Variants in NDST3 observed in about 807,000 individuals in gnomAD.
NDST3 encodes the protein bifunctional heparan sulfate N-deacetylase/N-sulfotransferase 3.
A neutral mutation model predicts 96.1 loss-of-function variants in NDST3; 58 were observed. That is an observed-to-expected ratio of 0.60 (90% CI 0.49 to 0.75). NDST3 has a LOEUF of 0.75. NDST3 is among the 30% of genes least tolerant of loss of function. NDST3 has a pLI of 0.00. For synonymous variants in NDST3, 333 were observed against 359.7 expected, an observed-to-expected ratio of 0.93 and a Z score of 0.84; for missense variants, 788 against 1,034.2, an observed-to-expected ratio of 0.76 and a Z score of 3.27.
At chr4:118,238,367 A>C (rs1377170135) in intron 10 of NDST3, among the ~76,000 whole-genome samples, 1 of 152,190 alleles carries the variant, frequency 6.6e-6, no homozygotes, top group African/African-American at 2.4e-5. Context: ...ATAATTTAAC[A>C]AACTCTAGTA....
rs928303281 is a variant in NDST3, at chr4:118,155,294, G to A, written c.1539+11610G>A. ...AAGGAAAACATCAGTTCCCATCCAG[G>A]GCCAATCTGTGTGTAGTTTGCACAT... On this transcript the variant is annotated intron_variant, in intron 6 of 13. Transcript: ENST00000296499. Among the ~76,000 whole-genome samples, 26 of 152,084 alleles carry A rather than the reference G, an allele frequency of 1.7e-4. No homozygotes were observed. In the East Asian group the frequency reaches 4.8e-3, roughly 28 times the overall value.
intron 2 of NDST3, among the ~76,000 whole-genome samples, chr4:118,084,389 C>T (rs760953639): frequency 6.6e-6 from 1 of 152,132 alleles, no homozygotes; most frequent in Non-Finnish European, 1.5e-5. Flanking sequence ...ATGTGTTAGG[C>T]CCAAGCAACT....
At chr4:118,106,372 A>C (rs1332853609) in intron 3 of NDST3, among the ~76,000 whole-genome samples, 4 of 151,908 alleles carry the variant, frequency 2.6e-5, no homozygotes. Context: ...TTGAGACAGG[A>C]TCTTGCTCTG....
At position 118,140,015 on chromosome 4, in the gene NDST3, A is replaced by C. The variant is rs563248198; in HGVS notation, c.1410+1776A>C. 2.0e-5 allele frequency among the ~76,000 whole-genome samples: 3 copies of C among 152,152 alleles called. No individual in the cohort carries two copies. The South Asian group carries it at 6.2e-4, about 32-fold the overall frequency. On this transcript the variant is annotated intron_variant, in intron 5 of 13. Transcript: ENST00000296499. The stretch of plus-strand genomic sequence containing the variant: ...TGCTGCCTTTATCCTGGCCTTCCTA[A>C]CCTTGATTAGTTCCAGTTGCTTCCA...
intron 6 of NDST3, among the ~76,000 whole-genome samples, chr4:118,191,516 A>C (rs1737302085): frequency 2.0e-5 from 3 of 152,190 alleles, no homozygotes; most frequent in Non-Finnish European, 4.4e-5. Context: ...CAAAGAAAGC[A>C]TTCTCTAGGC....
At chr4:118,042,078 G>C (rs2110426910) in intron 1 of NDST3, among the ~76,000 whole-genome samples, 1 of 152,172 alleles carries the variant, frequency 6.6e-6, no homozygotes, top group Non-Finnish European at 1.5e-5. Flanking sequence ...TTGACATTTT[G>C]TATTTGTCTA....
At position 118,074,161 on chromosome 4, in the gene NDST3, T is replaced by C. The variant is rs180697227; in HGVS notation, c.981+19270T>C. 2.0e-3 allele frequency among the ~76,000 whole-genome samples: 300 copies of C among 152,322 alleles called. 1 individual carries two copies. Among genetic ancestry groups the C allele is most frequent in the Non-Finnish European group, 3.4e-3 (234 of 68,016 alleles). On this transcript the variant is annotated intron_variant, in intron 2 of 13. Transcript: ENST00000296499. ...AGTTTGGTTGGTATGATTTCAGTTT[T>C]TTTAAATCTGCTGAGAATTGTTTTA...
At chr4:118,127,223 G>C (rs189815458) in intron 4 of NDST3, among the ~76,000 whole-genome samples, 6 of 151,886 alleles carry the variant, frequency 4.0e-5, no homozygotes, top group African/African-American at 1.4e-4. Flanking sequence ...TCCATTTTTT[G>C]TTGGTTGCCT....
intron 6 of NDST3, among the ~76,000 whole-genome samples, chr4:118,162,329 A>G (rs996632199): frequency 2.0e-5 from 3 of 152,210 alleles, no homozygotes; most frequent in African/African-American, 4.8e-5. Flanking sequence ...TGGAGGCATC[A>G]CGCTACCTGA....
At chr4:118,233,512 A>G (rs533648533) in intron 9 of NDST3, among the ~76,000 whole-genome samples, 1 of 152,330 alleles carries the variant, frequency 6.6e-6, no homozygotes, top group African/African-American at 2.4e-5. Flanking sequence ...GCTACAGCCA[A>G]CATATGTAAT....
intron 12 of NDST3, among the ~76,000 whole-genome samples, chr4:118,250,718 A>C (rs1380647757): frequency 6.6e-6 from 1 of 152,102 alleles, no homozygotes; most frequent in Admixed American, 6.5e-5. Context: ...TCCCGACCTC[A>C]GCTGATCCGC....
At chr4:118,222,056 T>A (rs1332182566) in intron 6 of NDST3, among the ~76,000 whole-genome samples, 1 of 151,712 alleles carries the variant, frequency 6.6e-6, no homozygotes, top group East Asian at 1.9e-4. Flanking sequence ...AAAAGTATCA[T>A]CTTTAGGAAA....
intron 4 of NDST3, among the ~76,000 whole-genome samples, chr4:118,132,292 C>G (rs1327809906): frequency 6.6e-6 from 1 of 152,190 alleles, no homozygotes; most frequent in Non-Finnish European, 1.5e-5. Flanking sequence ...AAAGTACTTC[C>G]TGCTCTTCCT....
At chr4:118,123,849 C>T (rs1406453699) in intron 4 of NDST3, among the ~76,000 whole-genome samples, 1 of 152,016 alleles carries the variant, frequency 6.6e-6, no homozygotes, top group African/African-American at 2.4e-5. Flanking sequence ...AAATCACTCT[C>T]CCCCAAATAT....
chr4:118,203,793 A>C (rs1738252198), intron 6 of NDST3, among the ~76,000 whole-genome samples: 1 of 152,206 alleles, frequency 6.6e-6, no homozygotes, highest in Admixed American at 6.5e-5. Flanking sequence ...TTAAGAAAAT[A>C]AGGATCCCAT....
intron 4 of NDST3, among the ~76,000 whole-genome samples, chr4:118,137,526 T>G (rs1392352227): frequency 2.6e-5 from 4 of 152,176 alleles, no homozygotes; most frequent in Non-Finnish European, 5.9e-5. Context: ...GTGCTTCTCC[T>G]AAGGCAGGGA....
intron 2 of NDST3, among the ~76,000 whole-genome samples, chr4:118,062,224 T>C (rs996899892): frequency 6.6e-6 from 1 of 152,210 alleles, no homozygotes; most frequent in African/African-American, 2.4e-5. Context: ...TCAGATTTTA[T>C]GCATTGTAAA....
intron 6 of NDST3, among the ~76,000 whole-genome samples, chr4:118,162,050 G>A (rs538069627): frequency 1.2e-4 from 18 of 152,262 alleles, no homozygotes; most frequent in African/African-American, 3.9e-4. Flanking sequence ...CAAGGGACGC[G>A]AAGGACCTCT....
intron 2 of NDST3, among the ~76,000 whole-genome samples, chr4:118,070,564 T>C (rs1009875568): frequency 1.3e-5 from 2 of 152,090 alleles, no homozygotes; most frequent in Non-Finnish European, 2.9e-5. Context: ...TACTTTTAAT[T>C]TGAAACAAAT....
Sources: gnomAD v4.1 joint callset for allele counts (sites outside exome capture counted in the v4.1 genomes callset) on GRCh38, gnomAD v4.1.1 for gene constraint, MANE v1.5 for transcripts, NCBI Gene and HGNC (gene_info 2026-07-23, HGNC 2026-07-21) for gene names.